CREM: variants seen among roughly 807,000 people sequenced by gnomAD.
The protein encoded by CREM is cAMP-responsive element modulator.
A neutral mutation model predicts 37.3 loss-of-function variants in CREM; 13 were observed. The ratio of observed to expected loss-of-function variants is 0.35; its 90% CI spans 0.23 to 0.55. CREM has a LOEUF of 0.55. Among genes scored for constraint, CREM ranks in the 20% least tolerant of loss-of-function variants. The probability of loss-of-function intolerance (pLI) is 0.88; values close to 1 mark genes in which losing one functional copy is unlikely to be tolerated. For synonymous variants in CREM, 124 were observed against 120.2 expected, an observed-to-expected ratio of 1.03 and a Z score of -0.21; for missense variants, 296 against 362.3, an observed-to-expected ratio of 0.82 and a Z score of 1.49.
intron 7 of CREM, among the ~76,000 whole-genome samples, chr10:35,208,576 G>A (rs979435618): frequency 1.3e-5 from 2 of 152,152 alleles, no homozygotes; most frequent in African/African-American, 4.8e-5. Flanking sequence ...AGATTCAGCA[G>A]TGTTATCAAG....
chr10:35,151,469 G>T (rs906183941), intron 3 of CREM, among the ~76,000 whole-genome samples: 1 of 152,050 alleles, frequency 6.6e-6, no homozygotes, highest in African/African-American at 2.4e-5. Flanking sequence ...TCCACCTCCC[G>T]GGTTCCAATG....
chr10:35,211,496 C>G lies in CREM; in HGVS notation c.*98C>G. 6.6e-7 allele frequency: 1 copy of G among 1,512,448 alleles called. No homozygotes were observed. The highest frequency in any genetic ancestry group is 8.9e-7 in the Non-Finnish European group (1 of 1,119,612). 93.7% of individuals were successfully genotyped at this position (1,512,448 alleles called of 1,614,324 possible). A position where few individuals can be genotyped will look rare whatever the true frequency, so the allele number is the denominator to read the frequency against. ...ACTTGTGGGAAGGACACGTGTGACC[C>G]TTAAGAATCCAGTTTGGATTAGTGT... is the stretch of plus-strand genomic sequence containing the variant. On this transcript the variant is annotated 3_prime_UTR_variant, in exon 8 of 8. Transcript: ENST00000685392.
chr10:35,172,981 A>C (rs1035300665), intron 3 of CREM, among the ~76,000 whole-genome samples: 1 of 152,230 alleles, frequency 6.6e-6, no homozygotes, highest in Non-Finnish European at 1.5e-5. Flanking sequence ...TGCATCTGCC[A>C]TTGTGAGCTT....
At chr10:35,143,482 C>T (rs764235471) in intron 2 of CREM, among the ~76,000 whole-genome samples, 8 of 152,034 alleles carry the variant, frequency 5.3e-5, no homozygotes, top group Non-Finnish European at 1.2e-4. Context: ...AGAGCTGGAC[C>T]AATTTGCACA....
At chr10:35,208,766 A>G (rs2095597827) in intron 7 of CREM, among the ~76,000 whole-genome samples, 1 of 152,188 alleles carries the variant, frequency 6.6e-6, no homozygotes, top group Admixed American at 6.5e-5. Flanking sequence ...TCCTCCCAGC[A>G]ACTTTCACCT....
At chr10:35,148,622 T>C (rs2092349109) in intron 3 of CREM, 131 bp downstream of exon 3, 3 of 1,062,724 alleles carry the variant, frequency 2.8e-6, no homozygotes, top group Admixed American at 6.2e-5. Flanking sequence ...GCTTATTTGA[T>C]TGTGAAGAAA....
chr10:35,158,780 G>A (rs2093074333), intron 3 of CREM: 1 of 148,408 alleles, frequency 6.7e-6, no homozygotes. Flanking sequence ...CCACTTTTTG[G>A]AGAGTAGCAA....
At chr10:35,150,427 G>A (rs1157656247) in intron 3 of CREM, among the ~76,000 whole-genome samples, 1 of 152,094 alleles carries the variant, frequency 6.6e-6, no homozygotes, top group African/African-American at 2.4e-5. Context: ...TTCTGGGGCT[G>A]AAGTCCCAGC....
chr10:35,138,294 T>G (rs1172644823), intron 2 of CREM, among the ~76,000 whole-genome samples: 1 of 152,254 alleles, frequency 6.6e-6, no homozygotes. Context: ...TTTTCAAGTT[T>G]TCTTTTGATT....
At chr10:35,182,437 A>G (rs1387587208) in intron 5 of CREM, among the ~76,000 whole-genome samples, 1 of 151,846 alleles carries the variant, frequency 6.6e-6, no homozygotes, top group Non-Finnish European at 1.5e-5. Context: ...TTTAGGTTTA[A>G]TTGTTCAGCT....
chr10:35,199,887 C>T (rs1421044164), intron 6 of CREM, among the ~76,000 whole-genome samples: 28 of 121,362 alleles, frequency 2.3e-4, no homozygotes, highest in Middle Eastern at 4.5e-3. Flanking sequence ...GTTAAAATGG[C>T]TTTTTTTTTT....
In CREM at chr10:35,198,338, C is replaced by G. The variant is rs1010931319; in HGVS notation, c.599-8557C>G. 3.9e-5 allele frequency among the ~76,000 whole-genome samples: 6 copies of G among 152,192 alleles called. No homozygotes were observed. In the East Asian group the frequency reaches 1.2e-3, roughly 29 times the overall value. ...AGGAGTTCAAGACCAGCCTGGCCAA[C>G]ATGGTGAAACCCCGTCTCTACTAAA... On this transcript the variant is annotated intron_variant, in intron 6 of 7. Transcript: ENST00000685392.
intron 1 of CREM, among the ~76,000 whole-genome samples, chr10:35,134,048 G>GTTT (rs1454490231): frequency 1.4e-5 from 2 of 141,590 alleles, no homozygotes; most frequent in African/African-American, 2.6e-5. Flanking sequence ...GCAGGTAAAA[G>GTTT]TTTTTTGTTT....
At chr10:35,127,685 TGA>T (rs1325171794) in intron 1 of CREM, 1 of 152,276 alleles carries the variant, frequency 6.6e-6, no homozygotes, top group Non-Finnish European at 1.5e-5. Flanking sequence ...GCCTCGCAGC[TGA>T]GTCATTCGGT....
chr10:35,164,156 C>T (rs1473317436), intron 3 of CREM, among the ~76,000 whole-genome samples: 1 of 152,042 alleles, frequency 6.6e-6, no homozygotes, highest in Non-Finnish European at 1.5e-5. Flanking sequence ...TTGACCTTTG[C>T]TTTCTTTACC....
At chr10:35,159,005 TTAAA>T (rs2093123677) in intron 3 of CREM, among the ~76,000 whole-genome samples, 2 of 152,090 alleles carry the variant, frequency 1.3e-5, no homozygotes, top group Admixed American at 1.3e-4. Flanking sequence ...AAGAAAGTGA[TTAAA>T]TAATTTTTCC....
At chr10:35,176,467 G>T (rs1406100656) in intron 3 of CREM, among the ~76,000 whole-genome samples, 1 of 150,262 alleles carries the variant, frequency 6.7e-6, no homozygotes, top group Non-Finnish European at 1.5e-5. Flanking sequence ...GAGGGCAGTG[G>T]CATGATCTCG....
At chr10:35,199,665 G>A (rs1260705147) in intron 6 of CREM, among the ~76,000 whole-genome samples, 1 of 152,082 alleles carries the variant, frequency 6.6e-6, no homozygotes, top group Non-Finnish European at 1.5e-5. Flanking sequence ...ACCCAGGTCA[G>A]ACTGGGTAAA....
intron 1 of CREM, among the ~76,000 whole-genome samples, chr10:35,128,216 A>T (rs1343178995): frequency 1.3e-5 from 2 of 152,186 alleles, no homozygotes; most frequent in Non-Finnish European, 2.9e-5. Context: ...GGTTTCCTGC[A>T]TGCTGCTCAG....
Sources: allele counts gnomAD v4.1 joint callset (sites outside exome capture counted in the v4.1 genomes callset), GRCh38; gene constraint gnomAD v4.1.1; transcripts MANE v1.5; gene names NCBI Gene and HGNC (gene_info 2026-07-23, HGNC 2026-07-21).